Variants in FER1L6 observed in about 807,000 individuals in gnomAD.
FER1L6 encodes the protein fer-1-like protein 6.
In FER1L6, 177 loss-of-function variants were observed where a neutral mutation model predicts 219.2. The observed-to-expected ratio is 0.81, with a 90% CI of 0.71 to 0.91. The LOEUF (loss-of-function observed/expected upper bound fraction) is 0.91, where lower values mean the gene tolerates loss of function less well. Ranked by LOEUF, FER1L6 falls within the 40% of genes least tolerant of loss-of-function variation. The pLI is 0.00. For synonymous variants in FER1L6, 768 were observed against 824.3 expected (o/e 0.93, Z 1.17); for missense variants, 2,153 against 2,259.9 (o/e 0.95, Z 0.96).
rs529419822 is a variant in FER1L6 at position 123,893,924 on chromosome 8, A to C, written c.-8+41739A>C. On this transcript the variant is annotated intron_variant, in intron 1 of 40. Coordinates refer to ENST00000522917, the MANE Select transcript of FER1L6 (RefSeq NM_001039112.2). Reference sequence around the variant, plus strand: ...AGTATTAGATTAACCTTTGATTCTTAGGTGGCCACATGGTCACCCCTGGTA... The same window carrying C: ...AGTATTAGATTAACCTTTGATTCTTCGGTGGCCACATGGTCACCCCTGGTA... 1.7e-3 allele frequency among the ~76,000 whole-genome samples: 263 copies of C among 152,306 alleles called. 1 individual carries two copies. The highest frequency in any genetic ancestry group is 6.1e-3 in the African/African-American group (252 of 41,572).
intron 1 of FER1L6, among the ~76,000 whole-genome samples, chr8:123,881,594 G>A (rs925509357): frequency 6.6e-6 from 1 of 152,124 alleles, no homozygotes; most frequent in African/African-American, 2.4e-5. Context: ...GCAAACTTTA[G>A]TGCCACCACC....
intron 37 of FER1L6, among the ~76,000 whole-genome samples, chr8:124,099,836 A>G (rs1822477693): frequency 6.6e-6 from 1 of 152,124 alleles, no homozygotes; most frequent in African/African-American, 2.4e-5. Context: ...TGCAAGAAGA[A>G]CTAAGAAGAA....
Position 123,972,120 on chromosome 8 carries a change from G to A in FER1L6, c.448-1314G>A, listed in dbSNP as rs142610867. ...TTGGATTTTGGAGTGAACATTATGT[G>A]AGCATCCTTCTGTAGCTTCTCTACT... is the stretch of plus-strand genomic sequence containing the variant. On this transcript the variant is annotated intron_variant, in intron 6 of 40. Coordinates refer to ENST00000522917, the MANE Select transcript of FER1L6 (RefSeq NM_001039112.2). Among the ~76,000 whole-genome samples the A allele has an allele frequency of 3.3e-4, 50 of 152,312 alleles. No individual in the cohort carries two copies. The East Asian group carries it at 4.6e-3, about 14-fold the overall frequency.
At chr8:123,880,092 G>A (rs567741226) in intron 1 of FER1L6, among the ~76,000 whole-genome samples, 4 of 152,128 alleles carry the variant, frequency 2.6e-5, no homozygotes, top group Admixed American at 1.3e-4. Context: ...TAAGGTTCTC[G>A]GAGAAAGCAT....
chr8:123,951,948 A>G lies in FER1L6; in HGVS notation c.-7-4044A>G, dbSNP rs147828143. Among the ~76,000 whole-genome samples the G allele has an allele frequency of 4.3e-3, 648 of 152,306 alleles. 6 individuals are homozygous for G. Among genetic ancestry groups the G allele is most frequent in the African/African-American group, 0.015 (607 of 41,562 alleles). On this transcript the variant is annotated intron_variant, in intron 1 of 40. Transcript: ENST00000522917. ...TGGCCATTTGGCCTGAGCTGCCTCC[A>G]TTCTGCAGTGAAGGTGGAGAAGGTG...
intron 32 of FER1L6, among the ~76,000 whole-genome samples, chr8:124,079,595 C>T (rs115764761): frequency 7.6e-4 from 116 of 152,182 alleles, no homozygotes; most frequent in African/African-American, 2.7e-3. Context: ...CCAATCAGGT[C>T]GTCATTTTGG....
At chr8:124,077,637 C>A (rs1255501827) in intron 32 of FER1L6, among the ~76,000 whole-genome samples, 1 of 152,124 alleles carries the variant, frequency 6.6e-6, no homozygotes, top group African/African-American at 2.4e-5. Flanking sequence ...TTGGCAGGCA[C>A]TTTTTATGAG....
chr8:124,075,374 G>T (rs146376784), intron 31 of FER1L6, among the ~76,000 whole-genome samples: 138 of 152,206 alleles, frequency 9.1e-4, no homozygotes, highest in African/African-American at 3.1e-3. Context: ...ACAGGGTCAG[G>T]ATCATCAATA....
intron 1 of FER1L6, among the ~76,000 whole-genome samples, chr8:123,898,814 T>TACATATGTGTATATATATACAC (rs1812806599): frequency 2.1e-5 from 3 of 144,012 alleles, no homozygotes; most frequent in Non-Finnish European, 4.5e-5. Context: ...CACATATATA[T>TACATATGTGTATATATATACAC]ACATATGTGT....
chr8:123,951,315 T>C (rs992506126), intron 1 of FER1L6, among the ~76,000 whole-genome samples: 2 of 152,204 alleles, frequency 1.3e-5, no homozygotes, highest in African/African-American at 4.8e-5. Flanking sequence ...ATTAGATGTG[T>C]AGCCAAAGTT....
At chr8:123,942,815 A>T (rs1023741726) in intron 1 of FER1L6, among the ~76,000 whole-genome samples, 1 of 152,234 alleles carries the variant, frequency 6.6e-6, no homozygotes, top group Non-Finnish European at 1.5e-5. Flanking sequence ...CAACATGTGG[A>T]TATATCTTTA....
chr8:124,117,927 C>G (rs556365209), intron 39 of FER1L6, among the ~76,000 whole-genome samples: 3 of 152,254 alleles, frequency 2.0e-5, no homozygotes, highest in African/African-American at 7.2e-5. Flanking sequence ...GAGGAAGAAG[C>G]TTTATCAGCA....
chr8:124,036,964 A>C (rs868101311), intron 19 of FER1L6, among the ~76,000 whole-genome samples: 3 of 152,364 alleles, frequency 2.0e-5, no homozygotes, highest in Middle Eastern at 3.4e-3. Context: ...AGTGGGTGAC[A>C]TAGAGATGAG....
intron 6 of FER1L6, among the ~76,000 whole-genome samples, chr8:123,972,880 T>C (rs150724005): frequency 6.6e-6 from 1 of 152,318 alleles, no homozygotes; most frequent in Non-Finnish European, 1.5e-5. Flanking sequence ...CTTCCTCATC[T>C]TGAGAGCATT....
At chr8:124,095,916 G>C (rs566461463) in intron 35 of FER1L6, among the ~76,000 whole-genome samples, 58 of 152,316 alleles carry the variant, frequency 3.8e-4, no homozygotes, top group African/African-American at 1.3e-3. Context: ...AGTAGTAGTA[G>C]AGATGGAATT....
At chr8:124,059,635 T>C (rs1820469660) in intron 22 of FER1L6, among the ~76,000 whole-genome samples, 1 of 152,192 alleles carries the variant, frequency 6.6e-6, no homozygotes. Context: ...AGACAAGTTT[T>C]CATCTGCCTT....
At chr8:124,102,840 G>A (rs758884118) in intron 38 of FER1L6, among the ~76,000 whole-genome samples, 1 of 152,196 alleles carries the variant, frequency 6.6e-6, no homozygotes, top group East Asian at 1.9e-4. Flanking sequence ...AGGGAGCAGA[G>A]GAGGTGGTCA....
rs1162619060 is a variant in FER1L6 at position 123,919,622 on chromosome 8, T to C, written c.-7-36370T>C. On this transcript the variant is annotated intron_variant, in intron 1 of 40. Transcript: ENST00000522917. ...TGGCCATATAATTTGCATGGCTCAGTGCAAAATGGAAACGTAGAGCCCCTT... is the reference window on the plus strand; with the variant it reads ...TGGCCATATAATTTGCATGGCTCAGCGCAAAATGGAAACGTAGAGCCCCTT... 3.9e-5 allele frequency among the ~76,000 whole-genome samples: 6 copies of C among 152,184 alleles called. No homozygotes were observed. The East Asian group carries it at 9.6e-4, about 24-fold the overall frequency.
At position 123,996,843 on chromosome 8, in the gene FER1L6, A is replaced by G. The variant is rs1817156300; in HGVS notation, c.1520-6324A>G. ...CTTGAAATACGATCTTGTAACCCATATTTTAAATTTATGATAACGCTGATT... is the reference window on the plus strand; with the variant it reads ...CTTGAAATACGATCTTGTAACCCATGTTTTAAATTTATGATAACGCTGATT... On this transcript the variant is annotated intron_variant, in intron 12 of 40. Transcript: ENST00000522917. Among the ~76,000 whole-genome samples, 3 of 152,112 alleles carry G rather than the reference A, an allele frequency of 2.0e-5. No homozygotes were observed. In the South Asian group the frequency reaches 6.2e-4, roughly 31 times the overall value.
Sources: allele counts gnomAD v4.1 joint callset (sites outside exome capture counted in the v4.1 genomes callset), GRCh38; gene constraint gnomAD v4.1.1; transcripts MANE v1.5; gene names NCBI Gene and HGNC (gene_info 2026-07-23, HGNC 2026-07-21).